FILIP1: variants seen among roughly 807,000 people sequenced by gnomAD.
FILIP1 encodes filamin-A-interacting protein 1.
A neutral mutation model predicts 102.1 loss-of-function variants in FILIP1; 61 were observed. That is an observed-to-expected ratio of 0.60 (90% CI 0.49 to 0.74). The LOEUF (loss-of-function observed/expected upper bound fraction) is 0.74. Ranked by LOEUF, FILIP1 falls within the 30% of genes least tolerant of loss-of-function variation. The pLI is 0.00. For synonymous variants in FILIP1, 491 were observed against 526.9 expected, an observed-to-expected ratio of 0.93 and a Z score of 0.93; for missense variants, 1,314 against 1,441.2, an observed-to-expected ratio of 0.91 and a Z score of 1.43.
intron 2 of FILIP1, among the ~76,000 whole-genome samples, chr6:75,368,953 T>G (rs1170070418): frequency 6.6e-6 from 1 of 152,188 alleles, no homozygotes; most frequent in Non-Finnish European, 1.5e-5. Context: ...GGCCAGGAAC[T>G]GTGTTTTGAA....
chr6:75,483,406 G>A (rs189314128), intron 1 of FILIP1, among the ~76,000 whole-genome samples: 1 of 152,140 alleles, frequency 6.6e-6, no homozygotes, highest in Non-Finnish European at 1.5e-5. Context: ...GGGGAACCCA[G>A]CCAAACTCAC....
chr6:75,369,929 C>T lies in FILIP1; in HGVS notation c.277-7012G>A, dbSNP rs6937292. 3.6e-3 allele frequency among the ~76,000 whole-genome samples: 554 copies of T among 152,324 alleles called. 1 individual carries two copies. Among genetic ancestry groups the T allele is most frequent in the African/African-American group, 0.013 (531 of 41,556 alleles). Reference sequence around the variant, plus strand: ...ATCCACTCACTTGGCTGAGAGGAAGCATAGCCAGTGGGAAGTTTTAGAAGC... The same window carrying T: ...ATCCACTCACTTGGCTGAGAGGAAGTATAGCCAGTGGGAAGTTTTAGAAGC... On this transcript the variant is annotated intron_variant, in intron 2 of 5. Transcript: ENST00000237172.
At chr6:75,303,849 TAAAAG>T (rs1772911048), downstream of FILIP1, among the ~76,000 whole-genome samples, 1 of 151,672 alleles carries the variant, frequency 6.6e-6, no homozygotes, top group Admixed American at 6.6e-5. Flanking sequence ...GATCAATAGA[TAAAAG>T]AAGTAGAATA....
At chr6:75,417,791 A>G (rs928459894) in intron 1 of FILIP1, among the ~76,000 whole-genome samples, 4 of 152,248 alleles carry the variant, frequency 2.6e-5, no homozygotes, top group African/African-American at 9.6e-5. Flanking sequence ...ATTTGAACTC[A>G]GGTCGGACAC....
intron 2 of FILIP1, among the ~76,000 whole-genome samples, chr6:75,404,937 G>A (rs997641280): frequency 1.3e-5 from 2 of 152,190 alleles, no homozygotes; most frequent in Middle Eastern, 3.4e-3. Flanking sequence ...CTCTTAACCT[G>A]TAAACACAGT....
intron 2 of FILIP1, among the ~76,000 whole-genome samples, chr6:75,404,598 T>C (rs1018457647): frequency 1.3e-5 from 2 of 152,178 alleles, no homozygotes; most frequent in African/African-American, 2.4e-5. Flanking sequence ...TTCTTTAGCA[T>C]TCCCCTCTGC....
At chr6:75,488,129 C>A (rs970069079) in intron 1 of FILIP1, among the ~76,000 whole-genome samples, 6 of 152,042 alleles carry the variant, frequency 3.9e-5, no homozygotes, top group African/African-American at 1.4e-4. Flanking sequence ...GGGAAAAAAA[C>A]CCAAACTTTC....
intron 2 of FILIP1, among the ~76,000 whole-genome samples, chr6:75,372,629 G>GA (rs1435179332): frequency 2.6e-5 from 1 of 38,462 alleles, no homozygotes; most frequent in African/African-American, 1.4e-4. Context: ...GAAAAAGAAA[G>GA]AAAGAAAGAA....
At chr6:75,343,076 T>C (rs1774467863) in intron 4 of FILIP1, among the ~76,000 whole-genome samples, 1 of 152,046 alleles carries the variant, frequency 6.6e-6, no homozygotes, top group African/African-American at 2.4e-5. Context: ...GGTCATAAGG[T>C]TGGAGTTCTA....
chr6:75,335,598 A>T (rs184172437), intron 4 of FILIP1, among the ~76,000 whole-genome samples: 75 of 152,160 alleles, frequency 4.9e-4, no homozygotes, highest in African/African-American at 1.6e-3. Flanking sequence ...GGTAAATTAA[A>T]CATTCCAGTA....
intron 4 of FILIP1, among the ~76,000 whole-genome samples, chr6:75,341,186 G>T: frequency 6.7e-6 from 1 of 150,016 alleles, no homozygotes; most frequent in Non-Finnish European, 1.5e-5. Flanking sequence ...TTTGAGACAG[G>T]GTCTCACTCT....
At chr6:75,442,627 G>A (rs1419458386) in intron 1 of FILIP1, among the ~76,000 whole-genome samples, 2 of 152,052 alleles carry the variant, frequency 1.3e-5, no homozygotes, top group Non-Finnish European at 2.9e-5. Context: ...GGCAGCGCGC[G>A]CCTGCAATCG....
At chr6:75,369,664 G>A (rs984967302) in intron 2 of FILIP1, among the ~76,000 whole-genome samples, 5 of 152,098 alleles carry the variant, frequency 3.3e-5, no homozygotes, top group Non-Finnish European at 5.9e-5. Flanking sequence ...CTTCTAAAAC[G>A]GGGATGGAAT....
chr6:75,326,112 GAGAT>G (rs897475960), intron 4 of FILIP1, among the ~76,000 whole-genome samples: 4 of 95,954 alleles, frequency 4.2e-5, no homozygotes, highest in African/African-American at 1.1e-4. Context: ...GATAGATAGA[GAGAT>G]AGATAGATAT....
At chr6:75,319,435 T>C in intron 4 of FILIP1, 1 of 617,866 alleles carries the variant, frequency 1.6e-6, no homozygotes, top group South Asian at 1.4e-5. Flanking sequence ...GGGCTATAGA[T>C]TTCATTTCTC....
intron 1 of FILIP1, among the ~76,000 whole-genome samples, chr6:75,438,329 G>T (rs1778092285): frequency 6.6e-6 from 1 of 152,198 alleles, no homozygotes; most frequent in African/African-American, 2.4e-5. Context: ...CACAGCAACT[G>T]ATGAGTACAG....
At chr6:75,367,319 G>A (rs1775370205) in intron 2 of FILIP1, 1 of 152,058 alleles carries the variant, frequency 6.6e-6, no homozygotes, top group South Asian at 2.1e-4. Flanking sequence ...ACTTACTAAA[G>A]GCTCTTTAAT....
intron 1 of FILIP1, among the ~76,000 whole-genome samples, chr6:75,469,882 G>A (rs1209436399): frequency 6.6e-6 from 1 of 152,052 alleles, no homozygotes; most frequent in African/African-American, 2.4e-5. Flanking sequence ...ATACACTCGT[G>A]TGTGCATCTG....
intron 1 of FILIP1, among the ~76,000 whole-genome samples, chr6:75,473,048 G>C (rs1779374803): frequency 1.3e-5 from 2 of 151,996 alleles, no homozygotes; most frequent in African/African-American, 4.8e-5. Flanking sequence ...GAAGACTGTG[G>C]GTATGGTAGA....
Sources: gnomAD v4.1 joint callset for allele counts (sites outside exome capture counted in the v4.1 genomes callset) on GRCh38, gnomAD v4.1.1 for gene constraint, MANE v1.5 for transcripts, NCBI Gene and HGNC (gene_info 2026-07-23, HGNC 2026-07-21) for gene names.